GNPTAB: variants seen among roughly 807,000 people sequenced by gnomAD.
GNPTAB encodes N-acetylglucosamine-1-phosphate transferase subunits alpha and beta.
Under a neutral mutation model 136.6 loss-of-function variants are expected in GNPTAB, and 92 were observed. That is an observed-to-expected ratio of 0.67 (90% confidence interval 0.57 to 0.80). The LOEUF (loss-of-function observed/expected upper bound fraction) is 0.80. Ranked by LOEUF, GNPTAB falls within the 30% of genes least tolerant of loss-of-function variation. The pLI is 0.00. For synonymous variants in GNPTAB, 512 were observed against 535.1 expected, an observed-to-expected ratio of 0.96 and a Z score of 0.60; for missense variants, 1,343 against 1,501.8, an observed-to-expected ratio of 0.89 and a Z score of 1.75.
At chr12:101,799,553 T>C (rs1018051590) in intron 1 of GNPTAB, among the ~76,000 whole-genome samples, 2 of 152,172 alleles carry the variant, frequency 1.3e-5, no homozygotes, top group African/African-American at 4.8e-5. Context: ...TTTGTGCAAA[T>C]GCTGTTGGGC....
intron 1 of GNPTAB, among the ~76,000 whole-genome samples, chr12:101,825,255 T>C (rs1385610391): frequency 6.6e-6 from 1 of 152,214 alleles, no homozygotes; most frequent in Admixed American, 6.5e-5. Flanking sequence ...CATTTTCCAC[T>C]GTATATTCTG....
chr12:101,776,873 G>C (rs757005874), intron 7 of GNPTAB, among the ~76,000 whole-genome samples: 1 of 152,234 alleles, frequency 6.6e-6, no homozygotes, highest in Admixed American at 6.5e-5. Context: ...CAGGGCCACA[G>C]GCCATGGCAA....
intron 2 of GNPTAB, 40 bp downstream of exon 2, chr12:101,796,637 T>C (rs113645718): frequency 3.4e-5 from 45 of 1,336,062 alleles, no homozygotes; most frequent in Non-Finnish European, 4.7e-5. Context: ...TGACTTACGA[T>C]TTAGGTCCAA....
intron 19 of GNPTAB, 54 bp downstream of exon 19, chr12:101,753,318 T>C: frequency 1.6e-6 from 2 of 1,270,880 alleles, no homozygotes; most frequent in East Asian, 4.6e-5. Context: ...TATAGATACA[T>C]ATGCATGTAT....
At chr12:101,827,866 TGGGGCA>T (rs1871176616) in intron 1 of GNPTAB, among the ~76,000 whole-genome samples, 1 of 151,550 alleles carries the variant, frequency 6.6e-6, no homozygotes, top group Non-Finnish European at 1.5e-5. Flanking sequence ...CTCCGGAGGG[TGGGGCA>T]GGGAAAATTA....
intron 5 of GNPTAB, among the ~76,000 whole-genome samples, chr12:101,781,378 TATA>T (rs1953340994): frequency 6.6e-6 from 1 of 152,100 alleles, no homozygotes; most frequent in South Asian, 2.1e-4. Context: ...TCAAGTGTAC[TATA>T]GTTACAGGGC....
At chr12:101,752,498 G>A (rs1952835685) in intron 19 of GNPTAB, among the ~76,000 whole-genome samples, 1 of 152,158 alleles carries the variant, frequency 6.6e-6, no homozygotes, top group South Asian at 2.1e-4. Context: ...GGTTATAAAG[G>A]CTAACCAGAT....
chr12:101,830,829 C>G lies in GNPTAB; in HGVS notation c.-154G>C, dbSNP rs1388346801. The G allele has an allele frequency of 4.4e-6, 1 of 226,304 alleles. No homozygotes were observed. The highest frequency in any genetic ancestry group is 8.6e-6 in the Non-Finnish European group (1 of 115,756). The allele number at this position is 226,304 out of a possible 1,614,324, so 14.0% of individuals were successfully genotyped here. A position where few individuals can be genotyped will look rare whatever the true frequency, so the allele number is the denominator to read the frequency against. On this transcript the variant is annotated 5_prime_UTR_variant, in exon 1 of 21. Transcript: ENST00000299314. ...CTCATTGCAGCTCCGGCGACGGACG[C>G]CCGCTCGGCTCCGCGCCGCGGCCGC...
At chr12:101,776,338 A>G (rs1953262175) in intron 7 of GNPTAB, among the ~76,000 whole-genome samples, 1 of 152,262 alleles carries the variant, frequency 6.6e-6, no homozygotes, top group Admixed American at 6.5e-5. Context: ...TGATTTATCA[A>G]AAGCTGAATT....
At chr12:101,779,871 A>C (rs866364573) in intron 7 of GNPTAB, 11 of 449,654 alleles carry the variant, frequency 2.4e-5, no homozygotes, top group Middle Eastern at 6.7e-4. Flanking sequence ...GAAGCTAAGC[A>C]GGGTTGGGCC....
chr12:101,784,972 G>A (rs11111021), intron 5 of GNPTAB, among the ~76,000 whole-genome samples: 13,420 of 152,220 alleles, frequency 0.088, 656 homozygotes, highest in Middle Eastern at 0.18. Flanking sequence ...TCAAGTGGGA[G>A]AATGGGATCT....
At chr12:101,821,340 C>T (rs1255334700) in intron 1 of GNPTAB, among the ~76,000 whole-genome samples, 1 of 152,182 alleles carries the variant, frequency 6.6e-6, no homozygotes, top group Non-Finnish European at 1.5e-5. Context: ...TCTGCCAGGG[C>T]ACAGGGATTT....
intron 1 of GNPTAB, among the ~76,000 whole-genome samples, chr12:101,821,246 G>A (rs1487673895): frequency 6.6e-6 from 1 of 152,168 alleles, no homozygotes; most frequent in Non-Finnish European, 1.5e-5. Flanking sequence ...CAGGAGCCAA[G>A]TCTGCTTTGT....
intron 5 of GNPTAB, 43 bp from the exon 6 acceptor site, chr12:101,780,664 A>G: frequency 8.2e-7 from 1 of 1,219,020 alleles, no homozygotes. Flanking sequence ...TTTAATGAAT[A>G]CTCAACTATG....
chr12:101,827,113 C>T (rs757879265), intron 1 of GNPTAB, among the ~76,000 whole-genome samples: 10 of 151,890 alleles, frequency 6.6e-5, no homozygotes, highest in Non-Finnish European at 1.2e-4. Context: ...TGCCACCACA[C>T]CTAGCTAACT....
At chr12:101,765,538 A>T (rs1953077833) in intron 12 of GNPTAB, 1 of 529,842 alleles carries the variant, frequency 1.9e-6, no homozygotes, top group African/African-American at 1.9e-5. Flanking sequence ...GAGTGACTTT[A>T]ATTTCAAAAT....
At chr12:101,824,432 ATT>A (rs1555276244) in intron 1 of GNPTAB, among the ~76,000 whole-genome samples, 1 of 50,882 alleles carries the variant, frequency 2.0e-5, no homozygotes, top group Admixed American at 2.3e-4. Flanking sequence ...ATATATATAT[ATT>A]TTCTTTTTTT....
chr12:101,826,513 T>A (rs555969273), intron 1 of GNPTAB, among the ~76,000 whole-genome samples: 1 of 151,950 alleles, frequency 6.6e-6, no homozygotes, highest in African/African-American at 2.4e-5. Flanking sequence ...TTAATTTTTT[T>A]TTTTTTTCAA....
chr12:101,784,678 T>TG lies in GNPTAB; in HGVS notation c.571+1333dup, dbSNP rs887488526. Among the ~76,000 whole-genome samples the TG allele has an allele frequency of 5.5e-5, 7 of 128,066 alleles. 1 individual carries two copies. The highest frequency in any genetic ancestry group is 1.6e-4 in the African/African-American group (4 of 24,406). The allele number at this position is 128,066 out of a possible 152,430, so 84.0% of individuals were successfully genotyped here. A position where few individuals can be genotyped will look rare whatever the true frequency, so the allele number is the denominator to read the frequency against. On this transcript the variant is annotated intron_variant, in intron 5 of 20. Transcript: ENST00000299314. Reference sequence around the variant, plus strand: ...GTAAGGTAAGAACCTAAGAATCATGTGGAAAAAAAAAAAAAGCAAGTCATA... The same window carrying TG: ...GTAAGGTAAGAACCTAAGAATCATGTGGGAAAAAAAAAAAAAGCAAGTCATA...
Sources: gnomAD v4.1 joint callset for allele counts (sites outside exome capture counted in the v4.1 genomes callset) on GRCh38, gnomAD v4.1.1 for gene constraint, MANE v1.5 for transcripts, NCBI Gene and HGNC (gene_info 2026-07-23, HGNC 2026-07-21) for gene names.